Variants in CRACD observed in about 807,000 individuals in gnomAD.
The protein encoded by CRACD is capping protein-inhibiting regulator of actin dynamics.
CRACD carries 56 observed loss-of-function variants against 106.8 expected under a neutral mutation model. The observed-to-expected ratio is 0.52, with a 90% CI of 0.42 to 0.66. CRACD has a LOEUF of 0.66. Among genes scored for constraint, CRACD ranks in the 30% least tolerant of loss-of-function variants. The pLI, the probability that CRACD is intolerant of heterozygous loss-of-function variation, is 0.00. For synonymous variants in CRACD, 754 were observed against 670.8 expected, an observed-to-expected ratio of 1.12 and a Z score of -1.92; for missense variants, 1,730 against 1,623.2, an observed-to-expected ratio of 1.07 and a Z score of -1.13.
At chr4:56,224,605 A>G (rs1425238624) in intron 2 of CRACD, among the ~76,000 whole-genome samples, 4 of 152,216 alleles carry the variant, frequency 2.6e-5, no homozygotes, top group Admixed American at 2.6e-4. Context: ...GTCAAAAAAC[A>G]ATAGATGTTG....
intron 1 of CRACD, among the ~76,000 whole-genome samples, chr4:56,115,207 A>G (rs966990460): frequency 6.6e-5 from 10 of 152,202 alleles, no homozygotes; most frequent in Admixed American, 5.2e-4. Flanking sequence ...TCAAACCCAT[A>G]TCATAACCCT....
intron 1 of CRACD, among the ~76,000 whole-genome samples, chr4:56,159,783 GTTA>G (rs1577701162): frequency 6.6e-6 from 1 of 152,068 alleles, no homozygotes; most frequent in Non-Finnish European, 1.5e-5. Flanking sequence ...TAACTTTATT[GTTA>G]TTATTATTTT....
chr4:56,073,251 A>G (rs1732726312), intron 1 of CRACD, among the ~76,000 whole-genome samples: 1 of 152,166 alleles, frequency 6.6e-6, no homozygotes, highest in Non-Finnish European at 1.5e-5. Flanking sequence ...ATTTCTCCAC[A>G]TCCTCTCCAG....
chr4:56,054,435 C>A (rs1309033674), intron 1 of CRACD, among the ~76,000 whole-genome samples: 2 of 152,188 alleles, frequency 1.3e-5, no homozygotes, highest in African/African-American at 2.4e-5. Flanking sequence ...CTTGCCTCAG[C>A]CTCCCAAAGT....
chr4:56,285,006 C>T (rs1293662299), intron 3 of CRACD, among the ~76,000 whole-genome samples: 2 of 152,154 alleles, frequency 1.3e-5, no homozygotes, highest in African/African-American at 4.8e-5. Context: ...AATTGACTCA[C>T]GGTTCCACAA....
chr4:56,143,070 C>A (rs956713404), intron 1 of CRACD, among the ~76,000 whole-genome samples: 3 of 151,168 alleles, frequency 2.0e-5, no homozygotes, highest in Non-Finnish European at 4.4e-5. Flanking sequence ...ATATCTAATT[C>A]TAGACATAAA....
At chr4:56,237,396 C>A (rs149692919) in intron 2 of CRACD, among the ~76,000 whole-genome samples, 4 of 151,972 alleles carry the variant, frequency 2.6e-5, no homozygotes, top group African/African-American at 7.2e-5. Context: ...TAGATTAAAT[C>A]CACTTGTATG....
chr4:56,188,386 A>G (rs1334545460), intron 2 of CRACD, among the ~76,000 whole-genome samples: 4 of 151,970 alleles, frequency 2.6e-5, no homozygotes, highest in African/African-American at 9.7e-5. Context: ...CCATCTAGGA[A>G]CTACTTAGTG....
intron 1 of CRACD, among the ~76,000 whole-genome samples, chr4:56,155,776 A>T (rs1735745405): frequency 6.6e-6 from 1 of 152,190 alleles, no homozygotes; most frequent in Non-Finnish European, 1.5e-5. Context: ...AACTGTATAG[A>T]ATACAGTTTG....
At chr4:56,296,917 T>G (rs28386968) in intron 3 of CRACD, among the ~76,000 whole-genome samples, 14 of 120,404 alleles carry the variant, frequency 1.2e-4, no homozygotes, top group Middle Eastern at 4.7e-3. Flanking sequence ...TTTTTTTTTG[T>G]TTGTTTTTTT....
At chr4:56,283,171 G>A (rs2109677044) in intron 3 of CRACD, among the ~76,000 whole-genome samples, 1 of 152,244 alleles carries the variant, frequency 6.6e-6, no homozygotes, top group South Asian at 2.1e-4. Context: ...GGACCATGGG[G>A]TGTGACAACC....
At chr4:56,235,889 C>A (rs1002587577) in intron 2 of CRACD, among the ~76,000 whole-genome samples, 1 of 152,124 alleles carries the variant, frequency 6.6e-6, no homozygotes, top group Admixed American at 6.5e-5. Flanking sequence ...CTTTCTCTGG[C>A]CAGAGTTTTA....
intron 1 of CRACD, among the ~76,000 whole-genome samples, chr4:56,174,824 T>C (rs917024182): frequency 6.6e-6 from 1 of 151,920 alleles, no homozygotes; most frequent in African/African-American, 2.4e-5. Flanking sequence ...AGAAAAGAGG[T>C]TTAATAGACT....
At chr4:56,260,312 C>G (rs528194692) in intron 2 of CRACD, among the ~76,000 whole-genome samples, 1 of 152,328 alleles carries the variant, frequency 6.6e-6, no homozygotes, top group East Asian at 1.9e-4. Context: ...GAACGCCACC[C>G]AGGGACTTTG....
chr4:56,103,205 C>A, intron 1 of CRACD, among the ~76,000 whole-genome samples: 1 of 152,134 alleles, frequency 6.6e-6, no homozygotes, highest in Non-Finnish European at 1.5e-5. Context: ...TCAGCCTAGA[C>A]GTACACATAT....
chr4:56,315,293 G>A lies in CRACD; in HGVS notation c.1791G>A (p.Leu597=). The change falls in exon 8 of 11, where the codon CTG becomes CTA. Residue 597 remains leucine, a synonymous_variant. Coordinates refer to ENST00000682029, the MANE Select transcript of CRACD (RefSeq NM_001393381.1). The surrounding 1 kb of genome is among the most constrained non-coding windows in gnomAD (Gnocchi z 4.1). ...TGAGCGTTCCCCACACCGCCATTCT[G>A]GTCACGGGCGCGCAGCTCTGTGGCC... ...SSLSVPHTAI[L]VTGAQLCGPA... 1 of 1,613,602 alleles carries A rather than the reference G, an allele frequency of 6.2e-7. No homozygotes were observed.
chr4:56,148,545 G>C (rs537170178), intron 1 of CRACD, among the ~76,000 whole-genome samples: 19 of 151,966 alleles, frequency 1.3e-4, no homozygotes, highest in South Asian at 4.1e-4. Flanking sequence ...CCCCTGCCTT[G>C]ACCACCCAAT....
At chr4:56,196,399 T>C (rs2109465041) in intron 2 of CRACD, 1 of 153,412 alleles carries the variant, frequency 6.5e-6, no homozygotes, top group Admixed American at 6.5e-5. Flanking sequence ...AGAATGTCCA[T>C]AATGAGGCTG....
chr4:56,057,853 C>CA (rs1316249166), intron 1 of CRACD, among the ~76,000 whole-genome samples: 191 of 55,362 alleles, frequency 3.5e-3, no homozygotes, highest in Middle Eastern at 0.02. Context: ...GAGTCTCGCT[C>CA]TGTCGCCCAG....
Sources: allele counts gnomAD v4.1 joint callset (sites outside exome capture counted in the v4.1 genomes callset), GRCh38; gene constraint gnomAD v4.1.1; non-coding constraint Gnocchi (gnomAD v3.1); transcripts MANE v1.5; gene names NCBI Gene and HGNC (gene_info 2026-07-23, HGNC 2026-07-21).